QTGAL: variants seen among roughly 807,000 people sequenced by gnomAD.
QTGAL encodes the protein queuosine-tRNA galactosyltransferase, also known as BGnT-like protein 1.
At chr17:82,969,703 A>G in the QTGAL span, among the ~76,000 whole-genome samples, 1 of 151,948 alleles carries the variant, frequency 6.6e-6, no homozygotes, top group African/African-American at 2.4e-5. Flanking sequence ...TTTTTTTTAT[A>G]CAGAGTCTTG....
chr17:83,025,612 C>T, the QTGAL span, among the ~76,000 whole-genome samples: 2 of 98,792 alleles, frequency 2.0e-5, no homozygotes, highest in South Asian at 3.2e-4. Flanking sequence ...CACACACACA[C>T]GGACACCGCG....
the QTGAL span, among the ~76,000 whole-genome samples, chr17:82,976,507 T>C: frequency 2.7e-5 from 2 of 74,864 alleles, no homozygotes; most frequent in South Asian, 9.1e-4. Flanking sequence ...AGGCCACTTA[T>C]GGGGAAACAG....
At chr17:83,026,431 G>T in the QTGAL span, among the ~76,000 whole-genome samples, 2 of 152,274 alleles carry the variant, frequency 1.3e-5, no homozygotes, top group Non-Finnish European at 2.9e-5. Flanking sequence ...TCAGCAGAAT[G>T]CTGTACAGCA....
chr17:82,985,166 T>C, the QTGAL span, among the ~76,000 whole-genome samples: 1 of 152,202 alleles, frequency 6.6e-6, no homozygotes, highest in Non-Finnish European at 1.5e-5. Flanking sequence ...TCGGTTTGTT[T>C]AGAATTAGCA....
the QTGAL span, among the ~76,000 whole-genome samples, chr17:82,993,850 G>C: frequency 6.6e-6 from 1 of 151,658 alleles, no homozygotes; most frequent in South Asian, 2.1e-4. Context: ...AAATCAATAA[G>C]AGGAATTTTG....
At chr17:82,961,549 C>G in the QTGAL span, among the ~76,000 whole-genome samples, 2 of 152,212 alleles carry the variant, frequency 1.3e-5, no homozygotes, top group African/African-American at 4.8e-5. Flanking sequence ...GGCCTCCGTC[C>G]CCATCCTTTC....
chr17:83,005,864 C>T, the QTGAL span: 10 of 1,377,636 alleles, frequency 7.3e-6, no homozygotes, highest in Non-Finnish European at 9.4e-6. The surrounding 1 kb of genome is among the most constrained non-coding windows in gnomAD (Gnocchi z 5.6). Context: ...TCCGCCCTGC[C>T]CGGCCCCCTC....
the QTGAL span, among the ~76,000 whole-genome samples, chr17:82,997,904 G>C: frequency 7.1e-6 from 1 of 141,004 alleles, no homozygotes; most frequent in Non-Finnish European, 1.5e-5. Flanking sequence ...AGGGAAGTAG[G>C]GAAGGTTAAT....
the QTGAL span, chr17:82,943,298 G>A: frequency 2.0e-5 from 3 of 152,260 alleles, no homozygotes; most frequent in African/African-American, 7.2e-5. Context: ...TCCCAAAGCT[G>A]GTGAGGGGAA....
At chr17:82,953,236 A>G in the QTGAL span, among the ~76,000 whole-genome samples, 1 of 152,210 alleles carries the variant, frequency 6.6e-6, no homozygotes, top group Admixed American at 6.5e-5. Flanking sequence ...CAAAAAAATC[A>G]ATGACTGGTT....
the QTGAL span, among the ~76,000 whole-genome samples, chr17:83,028,266 T>C: frequency 6.6e-6 from 1 of 151,060 alleles, no homozygotes; most frequent in African/African-American, 2.4e-5. Flanking sequence ...GGCTCACACC[T>C]GTAATCCCAG....
chr17:82,959,307 G>A, the QTGAL span, among the ~76,000 whole-genome samples: 1 of 151,966 alleles, frequency 6.6e-6, no homozygotes, highest in African/African-American at 2.4e-5. Context: ...TGTATGCAGT[G>A]AGTGCACATG....
At chr17:82,960,979 C>G in the QTGAL span, 1 of 1,514,786 alleles carries the variant, frequency 6.6e-7, no homozygotes, top group Middle Eastern at 2.4e-4. Context: ...TCGGCCCCAC[C>G]AACCCCGGCC....
the QTGAL span, among the ~76,000 whole-genome samples, chr17:82,970,888 C>A: frequency 3.3e-5 from 5 of 152,046 alleles, no homozygotes; most frequent in African/African-American, 1.2e-4. Context: ...GCTGCCTTTG[C>A]GGGGGGCCTC....
At chr17:83,038,287 C>G in the QTGAL span, among the ~76,000 whole-genome samples, 1 of 152,176 alleles carries the variant, frequency 6.6e-6, no homozygotes, top group Non-Finnish European at 1.5e-5. Flanking sequence ...TCTCCTTACC[C>G]ACACTTCAGA....
the QTGAL span, among the ~76,000 whole-genome samples, chr17:83,024,045 A>G: frequency 2.6e-5 from 4 of 152,228 alleles, no homozygotes; most frequent in Non-Finnish European, 4.4e-5. Flanking sequence ...CAGAGGGTAC[A>G]GTGTGGGGAG....
the QTGAL span, chr17:82,965,687 C>A: frequency 6.2e-7 from 1 of 1,612,186 alleles, no homozygotes; most frequent in Non-Finnish European, 8.5e-7. Flanking sequence ...CGTGGGAGAA[C>A]CACGCTCGCG....
At chr17:82,993,040 T>A in the QTGAL span, among the ~76,000 whole-genome samples, 1 of 151,570 alleles carries the variant, frequency 6.6e-6, no homozygotes, top group East Asian at 1.9e-4. Context: ...AAGGAAGACA[T>A]GAAGGAAGGA....
At chr17:82,980,548 C>T in the QTGAL span, among the ~76,000 whole-genome samples, 1 of 152,186 alleles carries the variant, frequency 6.6e-6, no homozygotes, top group African/African-American at 2.4e-5. Flanking sequence ...CAACCTCTTC[C>T]TTGGATTCAG....
Sources: gnomAD v4.1 joint callset for allele counts (sites outside exome capture counted in the v4.1 genomes callset) on GRCh38, gnomAD v4.1.1 for gene constraint, Gnocchi (gnomAD v3.1) non-coding constraint, MANE v1.5 for transcripts, NCBI Gene and HGNC (gene_info 2026-07-23, HGNC 2026-07-21) for gene names.